The following USP3 variants were observed in gnomAD, a reference collection of about 807,000 sequenced individuals.
The protein encoded by USP3 is ubiquitin specific peptidase 3, also known as ubiquitin carboxyl-terminal hydrolase 3.
USP3 carries 20 observed loss-of-function variants against 72.3 expected under a neutral mutation model. The ratio of observed to expected loss-of-function variants is 0.28; its 90% confidence interval spans 0.19 to 0.40. The LOEUF (loss-of-function observed/expected upper bound fraction) is 0.40, where lower values mean the gene tolerates loss of function less well. USP3 is among the 10% of genes least tolerant of loss of function. The pLI, the probability that USP3 is intolerant of heterozygous loss-of-function variation, is 1.00. For missense variants in USP3, 479 were observed against 633.9 expected (o/e 0.76, Z 2.62); for synonymous variants, 222 against 225.3 (o/e 0.99, Z 0.13).
At chr15:63,504,965 GA>G (rs1222876346) in intron 1 of USP3, 135 bp downstream of exon 1, 1 of 548,162 alleles carries the variant, frequency 1.8e-6, no homozygotes, top group Non-Finnish European at 2.4e-6. Flanking sequence ...GCGGGCTGGG[GA>G]GGGTACGCGA....
Position 63,588,681 on chromosome 15 carries a change from G to T in USP3, c.1216-21G>T. On this transcript the variant is annotated intron_variant, in intron 12 of 14. Coordinates refer to ENST00000380324, the MANE Select transcript of USP3 (RefSeq NM_006537.4). This position sits in a 1 kb window ranked among gnomAD's most constrained non-coding sequence, Gnocchi z 4.6. ...GGTAAATTAGGTGTTCACAATCTTT[G>T]ACCGCATCTCTGTCCTCCAGGTGCT... 1 of 1,565,252 alleles carries T rather than the reference G, an allele frequency of 6.4e-7. No individual in the cohort carries two copies. Among genetic ancestry groups the T allele is most frequent in the South Asian group, 1.1e-5 (1 of 89,134 alleles).
chr15:63,560,384 C>A (rs1216121137), intron 7 of USP3, among the ~76,000 whole-genome samples: 1 of 150,722 alleles, frequency 6.6e-6, no homozygotes, highest in East Asian at 1.9e-4. Context: ...CCACTGCCCT[C>A]CAGCCTAGGT....
Position 63,553,889 on chromosome 15 carries a change from T to G in USP3, c.368+91T>G. On this transcript the variant is annotated intron_variant, in intron 4 of 14. Coordinates refer to ENST00000380324, the MANE Select transcript of USP3 (RefSeq NM_006537.4). This position sits in a 1 kb window ranked among gnomAD's most constrained non-coding sequence, Gnocchi z 4.2. ...TGAGTGGGGTTTTTGTTGATGAGTT[T>G]AATAACTTCATGTTTATAATATGAT... The G allele has an allele frequency of 1.1e-6, 1 of 929,768 alleles. No homozygotes were observed. Among genetic ancestry groups the G allele is most frequent in the South Asian group, 1.7e-5 (1 of 58,996 alleles). 57.6% of individuals were successfully genotyped at this position (929,768 alleles called of 1,614,324 possible).
At chr15:63,577,877 C>A (rs1390509316) in intron 11 of USP3, among the ~76,000 whole-genome samples, 1 of 150,940 alleles carries the variant, frequency 6.6e-6, no homozygotes, top group Non-Finnish European at 1.5e-5. Context: ...CTGCATTGAG[C>A]CTGCACTGCT....
intron 1 of USP3, among the ~76,000 whole-genome samples, chr15:63,519,879 G>A (rs1438090390): frequency 1.3e-5 from 2 of 151,894 alleles, no homozygotes; most frequent in Non-Finnish European, 2.9e-5. Flanking sequence ...TTTATTCTAA[G>A]GTACTCATCA....
chr15:63,512,249 C>A (rs574138353), intron 1 of USP3, among the ~76,000 whole-genome samples: 4 of 151,832 alleles, frequency 2.6e-5, no homozygotes, highest in South Asian at 4.2e-4. Context: ...AACTGCAGAT[C>A]TTAAAACAGA....
chr15:63,577,206 G>A (rs1469380853), intron 11 of USP3, among the ~76,000 whole-genome samples: 3 of 152,186 alleles, frequency 2.0e-5, no homozygotes, highest in Non-Finnish European at 2.9e-5. Flanking sequence ...ATTATAGATC[G>A]AAGAATCCTA....
Position 63,529,178 on chromosome 15 carries a change from G to GTTTTTTTT in USP3, c.92-3463_92-3456dup. The stretch of plus-strand genomic sequence containing the variant: ...ACCACACTTGGCAGGTAGTAAAGTG[G>GTTTTTTTT]TTTTTTTTTTTTTCTTTTTTTTGAG... On this transcript the variant is annotated intron_variant, in intron 1 of 14. Coordinates refer to ENST00000380324, the MANE Select transcript of USP3 (RefSeq NM_006537.4). The surrounding 1 kb of genome is among the most constrained non-coding windows in gnomAD (Gnocchi z 4.2). The GTTTTTTTT allele has an allele frequency of 2.0e-6, 1 of 492,640 alleles. No homozygotes were observed. Among genetic ancestry groups the GTTTTTTTT allele is most frequent in the Non-Finnish European group, 3.4e-6 (1 of 293,884 alleles). The allele number at this position is 492,640 out of a possible 1,614,324, so 30.5% of individuals were successfully genotyped here.
intron 7 of USP3, among the ~76,000 whole-genome samples, chr15:63,562,031 C>T (rs1352656651): frequency 3.3e-5 from 5 of 152,150 alleles, no homozygotes; most frequent in Admixed American, 6.5e-5. Context: ...ACAAAGCCAT[C>T]GGGCTCCTCC....
chr15:63,588,502 A>G lies in USP3; in HGVS notation c.1215+79A>G. On this transcript the variant is annotated intron_variant, in intron 12 of 14. Transcript: ENST00000380324. The surrounding 1 kb of genome is among the most constrained non-coding windows in gnomAD (Gnocchi z 4.6). The stretch of plus-strand genomic sequence containing the variant: ...GCTAAGACCATGTCTATAACTTTAC[A>G]CTATGTGAACTGTTCTGTATTTTTC... 1 of 1,097,028 alleles carries G rather than the reference A, an allele frequency of 9.1e-7. No individual in the cohort carries two copies. The highest frequency in any genetic ancestry group is 1.3e-6 in the Non-Finnish European group (1 of 744,934). 68.0% of individuals were successfully genotyped at this position (1,097,028 alleles called of 1,614,324 possible).
chr15:63,517,569 T>C (rs1284961372), intron 1 of USP3, among the ~76,000 whole-genome samples: 1 of 152,214 alleles, frequency 6.6e-6, no homozygotes, highest in East Asian at 1.9e-4. Flanking sequence ...GGCTTCACTG[T>C]GAGGTGGGGA....
rs528572876 is a variant in USP3 at position 63,576,026 on chromosome 15, G to T, written c.1096+1623G>T. ...TTTTGAGACCGAGTCTTGCTCTGTC[G>T]CCCAGGCTGGAGTGCAGTGGCGCGA... On this transcript the variant is annotated intron_variant, in intron 11 of 14. Coordinates refer to ENST00000380324, the MANE Select transcript of USP3 (RefSeq NM_006537.4). Among the ~76,000 whole-genome samples the T allele has an allele frequency of 3.0e-5, 4 of 134,720 alleles. No homozygotes were observed. The Admixed American group carries it at 3.4e-4, about 11-fold the overall frequency. 88.4% of individuals were successfully genotyped at this position (134,720 alleles called of 152,430 possible). A position where few individuals can be genotyped will look rare whatever the true frequency, so the allele number is the denominator to read the frequency against.
intron 9 of USP3, among the ~76,000 whole-genome samples, chr15:63,572,489 T>TA (rs1317984731): frequency 2.6e-5 from 4 of 151,474 alleles, no homozygotes; most frequent in East Asian, 1.9e-4. Context: ...TGCCATCTTT[T>TA]AAAAAAAAAT....
intron 11 of USP3, among the ~76,000 whole-genome samples, chr15:63,584,589 G>C (rs1448806226): frequency 6.6e-6 from 1 of 152,150 alleles, no homozygotes. Context: ...CCTCTTTGGA[G>C]AAAAGTCTAT....
At chr15:63,556,257 G>T (rs1445409215) in intron 4 of USP3, 2 of 154,312 alleles carry the variant, frequency 1.3e-5, no homozygotes, top group African/African-American at 4.8e-5. Flanking sequence ...CATCTTTATT[G>T]AAATTAAGAA....
chr15:63,510,784 T>C (rs570732921), intron 1 of USP3, among the ~76,000 whole-genome samples: 5 of 152,196 alleles, frequency 3.3e-5, no homozygotes, highest in Non-Finnish European at 7.4e-5. Flanking sequence ...CCTAGAATTG[T>C]CTTGTGCCAA....
rs1456219379 is a variant in USP3, at chr15:63,558,099, C to A, written c.451-7C>A. On this transcript the variant is annotated splice_region_variant and splice_polypyrimidine_tract_variant and intron_variant, in intron 5 of 14. Coordinates refer to ENST00000380324, the MANE Select transcript of USP3 (RefSeq NM_006537.4). ...TTACTGATGGCCTCTTCTTGCACCA[C>A]TTACAGGGAAGCACCACTGCCATTT... 6.2e-7 allele frequency: 1 copy of A among 1,614,144 alleles called. No individual in the cohort carries two copies. Among genetic ancestry groups the A allele is most frequent in the East Asian group, 2.2e-5 (1 of 44,886 alleles).
In USP3 at chr15:63,504,747, G is replaced by A; in HGVS notation, c.8G>A (p.Cys3Tyr). The change falls in exon 1 of 15, where the codon TGT (cysteine) becomes TAT (tyrosine). Residue 3 changes from cysteine to tyrosine, a missense_variant. By Grantham distance (194) the Cys-to-Tyr change is radical (BLOSUM62 -2). Transcript: ENST00000380324. ME[C>Y]PHLSSSVCIA... ...GCTGCCCTCCTCGTGGCCATGGAGT[G>A]TCCACACCTGAGCTCCAGCGTCTGC... 6.2e-7 allele frequency: 1 copy of A among 1,609,956 alleles called. No homozygotes were observed. Among genetic ancestry groups the A allele is most frequent in the Non-Finnish European group, 8.5e-7 (1 of 1,178,372 alleles).
At chr15:63,534,339 A>C (rs1036598097) in intron 2 of USP3, among the ~76,000 whole-genome samples, 1 of 152,178 alleles carries the variant, frequency 6.6e-6, no homozygotes, top group Non-Finnish European at 1.5e-5. Context: ...GGAAATCGTA[A>C]AGTGAATATT....
Sources: gnomAD v4.1 joint callset for allele counts (sites outside exome capture counted in the v4.1 genomes callset) on GRCh38, gnomAD v4.1.1 for gene constraint, Gnocchi (gnomAD v3.1) non-coding constraint, MANE v1.5 for transcripts, NCBI Gene and HGNC (gene_info 2026-07-23, HGNC 2026-07-21) for gene names.